The following C20orf96 variants were observed in gnomAD, a reference collection of about 807,000 sequenced individuals.
C20orf96 encodes uncharacterized protein C20orf96.
In C20orf96, 57 loss-of-function variants were observed where a neutral mutation model predicts 52.6. That is an observed-to-expected ratio of 1.08 (90% CI 0.88 to 1.35). The LOEUF (loss-of-function observed/expected upper bound fraction) is 1.35, where lower values mean the gene tolerates loss of function less well. Ranked by LOEUF, C20orf96 falls within the 40% of genes most tolerant of loss-of-function variation. C20orf96 has a pLI of 0.00. For missense variants in C20orf96, 478 were observed against 443.6 expected, an observed-to-expected ratio of 1.08 and a Z score of -0.70; for synonymous variants, 168 against 157.2, an observed-to-expected ratio of 1.07 and a Z score of -0.51.
At chr20:278,680 C>T (rs537529728) in intron 5 of C20orf96, among the ~76,000 whole-genome samples, 2 of 151,086 alleles carry the variant, frequency 1.3e-5, no homozygotes, top group Non-Finnish European at 2.9e-5. Flanking sequence ...TCTGTCGCAC[C>T]GGTACAGTAT....
intron 4 of C20orf96, among the ~76,000 whole-genome samples, chr20:280,867 G>A (rs552838141): frequency 1.3e-5 from 2 of 152,200 alleles, no homozygotes; most frequent in Non-Finnish European, 2.9e-5. Context: ...AAATATAAAT[G>A]AGATTGGACA....
chr20:276,669 C>T, intron 9 of C20orf96, 124 bp downstream of exon 9: 2 of 1,495,492 alleles, frequency 1.3e-6, no homozygotes, highest in Non-Finnish European at 1.8e-6. Context: ...GGAGGGAGGC[C>T]AACACCAGAG....
At chr20:288,174 C>CTTTTTTTTTTTTTTT (rs1237648367) in intron 3 of C20orf96, among the ~76,000 whole-genome samples, 13 of 66,042 alleles carry the variant, frequency 2.0e-4, no homozygotes, top group African/African-American at 4.3e-4. Context: ...TTTTCTTTTT[C>CTTTTTTTTTTTTTTT]TTTTTTTTTT....
intron 10 of C20orf96, among the ~76,000 whole-genome samples, chr20:273,195 G>A (rs2011895354): frequency 6.6e-6 from 1 of 152,058 alleles, no homozygotes; most frequent in Non-Finnish European, 1.5e-5. Flanking sequence ...AGCTGGTCTT[G>A]AACTCCTGGG....
chr20:284,131 C>T (rs1187417222), intron 3 of C20orf96, 50 bp from the exon 4 acceptor site: 1 of 1,470,556 alleles, frequency 6.8e-7, no homozygotes, highest in Non-Finnish European at 9.5e-7. Context: ...CCCGGAAGGC[C>T]TGAGGCCAGG....
At chr20:286,145 G>A (rs2012379065) in intron 3 of C20orf96, among the ~76,000 whole-genome samples, 1 of 152,094 alleles carries the variant, frequency 6.6e-6, no homozygotes, top group Non-Finnish European at 1.5e-5. Context: ...TTCATTATTG[G>A]TAGTAGCCCT....
rs780910984 is a variant in C20orf96 at position 290,273 on chromosome 20, C to T, written c.55G>A (p.Glu19Lys). The change falls in exon 2 of 11, where the codon GAG becomes AAG. Residue 19 changes from glutamate to lysine, a missense_variant. Transcript: ENST00000360321. Reference sequence around the variant, plus strand: ...CCAAGACTCACCGGAACCTGGAACTCCTGGACTATGGAGTGAGTCCCAGAG... The same window carrying T: ...CCAAGACTCACCGGAACCTGGAACTTCTGGACTATGGAGTGAGTCCCAGAG... ...KHSGTHSIVQ[E>K]FQVPDYVPWQ... 8.7e-5 allele frequency: 140 copies of T among 1,612,548 alleles called. No homozygotes were observed. The highest frequency in any genetic ancestry group is 1.2e-4 in the Non-Finnish European group (136 of 1,179,396).
At chr20:278,462 G>T in intron 5 of C20orf96, 33 bp from the exon 6 acceptor site, 1 of 1,550,340 alleles carries the variant, frequency 6.5e-7, no homozygotes, top group Admixed American at 1.7e-5. Context: ...TCACCCACAG[G>T]CTCTGCTGGC....
chr20:274,716 A>G (rs1386156644), intron 10 of C20orf96, among the ~76,000 whole-genome samples: 1 of 151,892 alleles, frequency 6.6e-6, no homozygotes, highest in Non-Finnish European at 1.5e-5. Context: ...ATTTCTATGC[A>G]TCCTTCAAGC....
At chr20:277,940 C>T (rs2012083943) in intron 6 of C20orf96, among the ~76,000 whole-genome samples, 1 of 152,164 alleles carries the variant, frequency 6.6e-6, no homozygotes, top group Non-Finnish European at 1.5e-5. Flanking sequence ...CCACTGACTC[C>T]CAGAAGGACC....
intron 4 of C20orf96, among the ~76,000 whole-genome samples, chr20:279,911 A>G (rs1234714806): frequency 6.6e-6 from 1 of 152,152 alleles, no homozygotes; most frequent in Non-Finnish European, 1.5e-5. Context: ...CGGAGGTTGC[A>G]GTGAGCGAGA....
At chr20:274,726 C>G (rs2122234208) in intron 10 of C20orf96, among the ~76,000 whole-genome samples, 1 of 152,264 alleles carries the variant, frequency 6.6e-6, no homozygotes, top group African/African-American at 2.4e-5. Context: ...ATCCTTCAAG[C>G]CTCAGTTCAA....
At chr20:290,382 G>C (rs2012507970) in intron 1 of C20orf96, 75 bp from the exon 2 acceptor site, 4 of 1,583,512 alleles carry the variant, frequency 2.5e-6, no homozygotes, top group Non-Finnish European at 1.7e-6. Context: ...TTCGAAACAG[G>C]ATTGGAGTCT....
Position 271,133 on chromosome 20 carries a change from C to G in C20orf96, c.*74G>C. The G allele has an allele frequency of 2.3e-6, 3 of 1,285,034 alleles. No homozygotes were observed. The highest frequency in any genetic ancestry group is 3.3e-6 in the Non-Finnish European group (3 of 906,164). The allele number at this position is 1,285,034 out of a possible 1,614,324, so 79.6% of individuals were successfully genotyped here. ...TCAGGGTCTGAATGGAGATCCGGTC[C>G]TGGAAGTAAATGATCCAAGGCTCCA... On this transcript the variant is annotated 3_prime_UTR_variant, in exon 11 of 11. Transcript: ENST00000360321.
At position 277,392 on chromosome 20, in the gene C20orf96, G is replaced by C; in HGVS notation, c.566-9C>G. 6.2e-7 allele frequency: 1 copy of C among 1,613,146 alleles called. No homozygotes were observed. The highest frequency in any genetic ancestry group is 1.1e-5 in the South Asian group (1 of 91,034). Reference sequence around the variant, plus strand: ...TGCCTGCTGCTCAAGATCTGGGGAGGGGTTAGGGAGGTCAGCAGGGACAGG... The same window carrying C: ...TGCCTGCTGCTCAAGATCTGGGGAGCGGTTAGGGAGGTCAGCAGGGACAGG... On this transcript the variant is annotated splice_polypyrimidine_tract_variant and intron_variant, in intron 6 of 10. Transcript: ENST00000360321.
chr20:276,217 G>A (rs2012018736), intron 9 of C20orf96, 131 bp from the exon 10 acceptor site: 1 of 1,534,826 alleles, frequency 6.5e-7, no homozygotes, highest in Admixed American at 2.0e-5. Flanking sequence ...GGACTTGCTG[G>A]ACTCCAGGGA....
At position 278,350 on chromosome 20, in the gene C20orf96, T is replaced by C; in HGVS notation, c.545A>G (p.Lys182Arg). The C allele has an allele frequency of 6.2e-7, 1 of 1,613,860 alleles. No homozygotes were observed. The highest frequency in any genetic ancestry group is 1.1e-5 in the South Asian group (1 of 91,070). ...LKSELQEWEE[K>R]KKCKMSYLEQ... Reference sequence around the variant, plus strand: ...CTTACAGCTCATCTTGCATTTCTTCTTTTCTTCCCACTCCTGAAGCTCAGA... The same window carrying C: ...CTTACAGCTCATCTTGCATTTCTTCCTTTCTTCCCACTCCTGAAGCTCAGA... The change falls in exon 6 of 11, where the codon AAG becomes AGG. Residue 182 changes from lysine to arginine, a missense_variant. Transcript: ENST00000360321.
At chr20:276,497 T>C (rs1445809300) in intron 9 of C20orf96, 1 of 985,278 alleles carries the variant, frequency 1.0e-6, no homozygotes, top group Non-Finnish European at 1.2e-6. Context: ...GTAACAAGAA[T>C]CAAGGGGTAA....
At chr20:272,639 A>G (rs1258855600) in intron 10 of C20orf96, among the ~76,000 whole-genome samples, 3 of 152,096 alleles carry the variant, frequency 2.0e-5, no homozygotes, top group Non-Finnish European at 2.9e-5. Flanking sequence ...TACAGGTGTG[A>G]GCCACCATGC....
Sources: allele counts gnomAD v4.1 joint callset (sites outside exome capture counted in the v4.1 genomes callset), GRCh38; gene constraint gnomAD v4.1.1; transcripts MANE v1.5; gene names NCBI Gene and HGNC (gene_info 2026-07-23, HGNC 2026-07-21).